Variants in PARPBP observed in about 807,000 individuals in gnomAD.
PARPBP encodes the protein PCNA-interacting partner.
A neutral mutation model predicts 50.0 loss-of-function variants in PARPBP; 52 were observed. The observed-to-expected ratio is 1.04, with a 90% CI of 0.83 to 1.31. The LOEUF is 1.31. PARPBP is among the 50% of genes most tolerant of loss of function. PARPBP has a pLI of 0.00. For missense variants in PARPBP, 697 were observed against 672.0 expected (o/e 1.04, Z -0.41); for synonymous variants, 244 against 232.1 (o/e 1.05, Z -0.47).
chr12:102,157,625 T>C lies in PARPBP; in HGVS notation c.495+3649T>C, dbSNP rs561184056. Among the ~76,000 whole-genome samples the C allele has an allele frequency of 1.0e-3, 153 of 152,324 alleles. 1 individual carries two copies. Among genetic ancestry groups the C allele is most frequent in the African/African-American group, 3.6e-3 (150 of 41,584 alleles). On this transcript the variant is annotated intron_variant, in intron 4 of 10. Coordinates refer to ENST00000327680, the MANE Select transcript of PARPBP (RefSeq NM_017915.5). ...GCAGAGTATTTCATTTTATATCTTA[T>C]TGGGAAACAAACTCAGGTTATCCTG... is the stretch of plus-strand genomic sequence containing the variant.
chr12:102,171,793 C>T (rs556430014), intron 6 of PARPBP, among the ~76,000 whole-genome samples: 1 of 151,316 alleles, frequency 6.6e-6, no homozygotes, highest in African/African-American at 2.4e-5. Flanking sequence ...GGCGTGAACC[C>T]GGGAGGCGGA....
chr12:102,132,618 G>A (rs1448670225), intron 2 of PARPBP, among the ~76,000 whole-genome samples: 1 of 152,150 alleles, frequency 6.6e-6, no homozygotes, highest in African/African-American at 2.4e-5. Flanking sequence ...TTTTGCTCAA[G>A]ATTGTTTTTG....
intron 6 of PARPBP, among the ~76,000 whole-genome samples, chr12:102,170,740 G>C (rs1888602907): frequency 6.6e-6 from 1 of 152,046 alleles, no homozygotes; most frequent in Admixed American, 6.5e-5. Flanking sequence ...CACTTAGCTT[G>C]CTCTAACTTT....
intron 2 of PARPBP, among the ~76,000 whole-genome samples, chr12:102,130,972 T>C (rs1882769151): frequency 6.6e-6 from 1 of 152,064 alleles, no homozygotes; most frequent in Non-Finnish European, 1.5e-5. Context: ...TCACTGATCA[T>C]TAAAAATTGC....
At chr12:102,123,147 T>C (rs1881418515) in intron 1 of PARPBP, among the ~76,000 whole-genome samples, 1 of 152,188 alleles carries the variant, frequency 6.6e-6, no homozygotes, top group African/African-American at 2.4e-5. Context: ...GGGGGCTAAA[T>C]GCAAAGGCAT....
intron 2 of PARPBP, among the ~76,000 whole-genome samples, chr12:102,141,056 T>C (rs1452155455): frequency 2.0e-5 from 3 of 152,192 alleles, no homozygotes; most frequent in Non-Finnish European, 2.9e-5. Context: ...TTCTGTCTTG[T>C]TGATCTATCT....
chr12:102,158,120 C>CAAAAAA (rs55962862), intron 4 of PARPBP, among the ~76,000 whole-genome samples: 76 of 47,818 alleles, frequency 1.6e-3, no homozygotes, highest in Non-Finnish European at 2.1e-3. Flanking sequence ...GACTCCATCT[C>CAAAAAA]AAAAAAAAAA....
At chr12:102,194,944 A>C (rs1047803031) in intron 9 of PARPBP, among the ~76,000 whole-genome samples, 3 of 151,284 alleles carry the variant, frequency 2.0e-5, no homozygotes, top group African/African-American at 7.3e-5. Flanking sequence ...GTATTTTTCT[A>C]TGATTATGTA....
At chr12:102,177,339 T>A (rs2136735461) in intron 7 of PARPBP, among the ~76,000 whole-genome samples, 1 of 152,332 alleles carries the variant, frequency 6.6e-6, no homozygotes, top group East Asian at 1.9e-4. Flanking sequence ...CCCTCTGGGT[T>A]AGGCATTATC....
At chr12:102,169,231 C>CT (rs1210233515) in intron 6 of PARPBP, among the ~76,000 whole-genome samples, 3 of 152,128 alleles carry the variant, frequency 2.0e-5, no homozygotes, top group African/African-American at 7.2e-5. Flanking sequence ...TATTGGAACT[C>CT]TTTTTTCCTA....
At chr12:102,170,881 T>C (rs987403618) in intron 6 of PARPBP, among the ~76,000 whole-genome samples, 1 of 151,626 alleles carries the variant, frequency 6.6e-6, no homozygotes, top group African/African-American at 2.4e-5. Context: ...CCTTATTCTA[T>C]ATGCTTTTCT....
At chr12:102,177,331 C>G (rs1196780956) in intron 7 of PARPBP, among the ~76,000 whole-genome samples, 1 of 152,146 alleles carries the variant, frequency 6.6e-6, no homozygotes, top group Non-Finnish European at 1.5e-5. Flanking sequence ...TCCAGCAACC[C>G]TCTGGGTTAG....
intron 9 of PARPBP, among the ~76,000 whole-genome samples, chr12:102,187,342 G>A (rs1890389410): frequency 6.6e-6 from 1 of 152,084 alleles, no homozygotes; most frequent in South Asian, 2.1e-4. Context: ...ACTAAGGTGT[G>A]CATTCCTTTT....
intron 2 of PARPBP, among the ~76,000 whole-genome samples, chr12:102,141,761 C>T (rs368824848): frequency 2.0e-5 from 3 of 152,070 alleles, no homozygotes; most frequent in African/African-American, 7.2e-5. Context: ...GTTTGGCTGG[C>T]TATGAAATTC....
intron 4 of PARPBP, among the ~76,000 whole-genome samples, chr12:102,160,959 A>AT (rs200724877): frequency 0.069 from 10,451 of 151,484 alleles, 601 homozygotes; most frequent in East Asian, 0.3. Flanking sequence ...AAAAAAAAAA[A>AT]ATATATATAT....
At chr12:102,155,603 G>T (rs951568746) in intron 4 of PARPBP, among the ~76,000 whole-genome samples, 47 of 119,492 alleles carry the variant, frequency 3.9e-4, no homozygotes, top group Admixed American at 8.5e-4. Context: ...GTGGGGGGGG[G>T]GGGCGGGGAC....
At chr12:102,165,332 AAC>A (rs550628341) in intron 5 of PARPBP, among the ~76,000 whole-genome samples, 24 of 152,322 alleles carry the variant, frequency 1.6e-4, no homozygotes, top group African/African-American at 5.8e-4. Flanking sequence ...TCACCTGTTT[AAC>A]ACAACAGATC....
rs537868435 is a variant in PARPBP at position 102,177,689 on chromosome 12, A to G, written c.1006-903A>G. ...TCGTATCTCACAATATATTTTACAC[A>G]TTGCCATCATTGGTTCTTTAAAATC... On this transcript the variant is annotated intron_variant, in intron 7 of 10. Coordinates refer to ENST00000327680, the MANE Select transcript of PARPBP (RefSeq NM_017915.5). Among the ~76,000 whole-genome samples, 236 of 152,256 alleles carry G rather than the reference A, an allele frequency of 1.6e-3. 1 individual carries two copies. Among genetic ancestry groups the G allele is most frequent in the African/African-American group, 5.5e-3 (227 of 41,556 alleles).
intron 4 of PARPBP, among the ~76,000 whole-genome samples, chr12:102,161,490 T>C (rs1450651432): frequency 4.6e-5 from 7 of 152,240 alleles, no homozygotes; most frequent in African/African-American, 1.7e-4. Flanking sequence ...TCATTCATCA[T>C]TGAATGAAAA....
Sources: allele counts gnomAD v4.1 joint callset (sites outside exome capture counted in the v4.1 genomes callset), GRCh38; gene constraint gnomAD v4.1.1; transcripts MANE v1.5; gene names NCBI Gene and HGNC (gene_info 2026-07-23, HGNC 2026-07-21).